MAL2: variants seen among roughly 807,000 people sequenced by gnomAD.
MAL2 encodes protein MAL2.
A neutral mutation model predicts 18.1 loss-of-function variants in MAL2; 17 were observed. The ratio of observed to expected loss-of-function variants is 0.94; its 90% CI spans 0.64 to 1.41. The LOEUF (loss-of-function observed/expected upper bound fraction) is 1.41. MAL2 is among the 40% of genes most tolerant of loss of function. The pLI is 0.00. For missense variants in MAL2, 222 were observed against 231.9 expected (o/e 0.96, Z 0.28); for synonymous variants, 102 against 102.3 (o/e 1.00, Z 0.02).
rs1412513405 is a variant in MAL2 at position 119,240,172 on chromosome 8, C to A, written c.311C>A (p.Ala104Asp). Residue 104 changes from alanine to aspartate, a missense_variant, in exon 3 of 4, where the codon GCC becomes GAC. Coordinates refer to ENST00000614891, the MANE Select transcript of MAL2 (RefSeq NM_052886.3). ...TTTTCTCTCCTCTTTTAGGATTTTG[C>A]CTACCATTTTACAGTATTTGTCTTC... ...IDANWNFLDF[A>D]YHFTVFVFYF... is the part of the protein sequence containing the mutation. The A allele has an allele frequency of 6.2e-7, 1 of 1,612,450 alleles. No individual in the cohort carries two copies. The highest frequency in any genetic ancestry group is 1.1e-5 in the South Asian group (1 of 90,778).
Position 119,208,846 on chromosome 8 carries a change from G to A in MAL2, c.132+242G>A. On this transcript the variant is annotated intron_variant, in intron 1 of 3. Coordinates refer to ENST00000614891, the MANE Select transcript of MAL2 (RefSeq NM_052886.3). The surrounding 1 kb of genome is among the most constrained non-coding windows in gnomAD (Gnocchi z 4.3). ...GCGACGGAAATTGCCTGGGGAGGGC[G>A]AGTAGGCGGCCCGGCAGGGCCGAAC... is the stretch of plus-strand genomic sequence containing the variant. The A allele has an allele frequency of 2.2e-6, 1 of 461,330 alleles. No individual in the cohort carries two copies. Among genetic ancestry groups the A allele is most frequent in the African/African-American group, 2.0e-5 (1 of 49,290 alleles). The allele number at this position is 461,330 out of a possible 1,614,324, so 28.6% of individuals were successfully genotyped here.
chr8:119,222,067 A>G (rs1458941585), intron 2 of MAL2, among the ~76,000 whole-genome samples: 1 of 152,204 alleles, frequency 6.6e-6, no homozygotes, highest in Non-Finnish European at 1.5e-5. Context: ...ACAATTGAAC[A>G]AATGCCTTTG....
chr8:119,218,098 C>T (rs1264256918), intron 1 of MAL2, among the ~76,000 whole-genome samples: 1 of 151,994 alleles, frequency 6.6e-6, no homozygotes, highest in Non-Finnish European at 1.5e-5. Flanking sequence ...GGATGGTGGC[C>T]CTCCAAAGTG....
At position 119,208,662 on chromosome 8, in the gene MAL2, C is replaced by A; in HGVS notation, c.132+58C>A. 1 of 1,250,366 alleles carries A rather than the reference C, an allele frequency of 8.0e-7. No homozygotes were observed. The allele number at this position is 1,250,366 out of a possible 1,614,324, so 77.5% of individuals were successfully genotyped here. A position where few individuals can be genotyped will look rare whatever the true frequency, so the allele number is the denominator to read the frequency against. ...GGGAGCGAGGACAGGCGGCGGCATCCTTGTCCCCCGGGCTGTCTTCCTCTG... is the reference window on the plus strand; with the variant it reads ...GGGAGCGAGGACAGGCGGCGGCATCATTGTCCCCCGGGCTGTCTTCCTCTG... On this transcript the variant is annotated intron_variant, in intron 1 of 3. Transcript: ENST00000614891. The surrounding 1 kb of genome is among the most constrained non-coding windows in gnomAD (Gnocchi z 4.3).
At position 119,244,496 on chromosome 8, in the gene MAL2, T is replaced by G. The variant is rs180886337; in HGVS notation, c.*1008T>G. 6.6e-6 allele frequency: 1 copy of G among 152,314 alleles called. No homozygotes were observed. The highest frequency in any genetic ancestry group is 1.9e-4 in the East Asian group (1 of 5,180). 9.4% of individuals were successfully genotyped at this position (152,314 alleles called of 1,614,324 possible). On this transcript the variant is annotated 3_prime_UTR_variant, in exon 4 of 4. Coordinates refer to ENST00000614891, the MANE Select transcript of MAL2 (RefSeq NM_052886.3). Reference sequence around the variant, plus strand: ...GTATCTAGCTACTGATGTCTTACTTTGAGTTTATTTATGCTTCAGAATACA... The same window carrying G: ...GTATCTAGCTACTGATGTCTTACTTGGAGTTTATTTATGCTTCAGAATACA...
At chr8:119,224,550 T>A (rs1404522884) in intron 2 of MAL2, among the ~76,000 whole-genome samples, 1 of 152,214 alleles carries the variant, frequency 6.6e-6, no homozygotes, top group Non-Finnish European at 1.5e-5. Context: ...TAAGATTTTT[T>A]TTATTTCAAT....
chr8:119,215,159 C>A (rs1029740364), intron 1 of MAL2: 5 of 152,234 alleles, frequency 3.3e-5, no homozygotes, highest in African/African-American at 1.2e-4. Flanking sequence ...TACAAAGTTT[C>A]CCATAACTTT....
chr8:119,236,403 A>G (rs1019010050), intron 2 of MAL2, among the ~76,000 whole-genome samples: 4 of 151,688 alleles, frequency 2.6e-5, no homozygotes, highest in African/African-American at 9.8e-5. Context: ...AAAGTCAACA[A>G]GGATACCCAG....
intron 2 of MAL2, among the ~76,000 whole-genome samples, chr8:119,233,032 T>C (rs1357767955): frequency 6.6e-6 from 1 of 152,118 alleles, no homozygotes; most frequent in East Asian, 1.9e-4. Flanking sequence ...TTGGAATAGG[T>C]GTGGTGCTGA....
chr8:119,221,519 G>A, intron 1 of MAL2, 68 bp from the exon 2 acceptor site: 1 of 1,576,168 alleles, frequency 6.3e-7, no homozygotes, highest in Non-Finnish European at 8.7e-7. Flanking sequence ...GGTAATACAA[G>A]CATGTTTAAT....
chr8:119,241,273 A>G (rs1818042018), intron 3 of MAL2, among the ~76,000 whole-genome samples: 1 of 152,176 alleles, frequency 6.6e-6, no homozygotes, highest in African/African-American at 2.4e-5. Flanking sequence ...CATGCCTGTA[A>G]TCCCAGCACA....
At chr8:119,224,085 G>A (rs925176246) in intron 2 of MAL2, 5 of 152,132 alleles carry the variant, frequency 3.3e-5, no homozygotes, top group African/African-American at 4.8e-5. Context: ...AGATGTATTT[G>A]TTGTAGGATA....
intron 1 of MAL2, among the ~76,000 whole-genome samples, chr8:119,210,947 CAA>C (rs1392764960): frequency 6.6e-6 from 1 of 152,068 alleles, no homozygotes; most frequent in Non-Finnish European, 1.5e-5. Context: ...AGAAACAAAA[CAA>C]GAGACCACAC....
chr8:119,234,103 CACCGTGCGCGA>C (rs1264881167), intron 2 of MAL2, among the ~76,000 whole-genome samples: 2 of 152,198 alleles, frequency 1.3e-5, no homozygotes, highest in Middle Eastern at 6.3e-3. Flanking sequence ...TGGGTGCGCG[CACCGTGCGCGA>C]GCCGAAGCAG....
intron 2 of MAL2, among the ~76,000 whole-genome samples, chr8:119,239,611 G>A (rs1483124021): frequency 6.6e-6 from 1 of 150,970 alleles, no homozygotes; most frequent in African/African-American, 2.5e-5. Flanking sequence ...TGAGTTCATG[G>A]CCTTTGTAGG....
chr8:119,242,922 C>G (rs1047101438), intron 3 of MAL2, among the ~76,000 whole-genome samples: 2 of 152,192 alleles, frequency 1.3e-5, no homozygotes, highest in African/African-American at 4.8e-5. Flanking sequence ...ACAGGACTGT[C>G]TCCCATACAA....
At position 119,245,618 on chromosome 8, in the gene MAL2, TGAAAA is replaced by T. The variant is rs1157335832; in HGVS notation, c.*2135_*2139del. ...GTTTTAAAATCTGGTAACTCCATGA[TGAAAA>T]GAAATTTATTTTATACGTGTTATGT... On this transcript the variant is annotated 3_prime_UTR_variant, in exon 4 of 4. Coordinates refer to ENST00000614891, the MANE Select transcript of MAL2 (RefSeq NM_052886.3). 3 of 152,334 alleles carry T rather than the reference TGAAAA, an allele frequency of 2.0e-5. No homozygotes were observed. The South Asian group carries it at 6.2e-4, about 32-fold the overall frequency. 9.4% of individuals were successfully genotyped at this position (152,334 alleles called of 1,614,324 possible). A position where few individuals can be genotyped will look rare whatever the true frequency, so the allele number is the denominator to read the frequency against.
At chr8:119,232,060 G>A (rs138915665) in intron 2 of MAL2, among the ~76,000 whole-genome samples, 2 of 151,708 alleles carry the variant, frequency 1.3e-5, no homozygotes, top group African/African-American at 4.9e-5. Flanking sequence ...TATTTTAGAT[G>A]TTCTCACCAC....
chr8:119,232,218 C>T (rs115396603), intron 2 of MAL2, among the ~76,000 whole-genome samples: 1 of 150,724 alleles, frequency 6.6e-6, no homozygotes, highest in Non-Finnish European at 1.5e-5. Context: ...ATGTATTTTT[C>T]TCAATTAAAA....
Sources: allele counts gnomAD v4.1 joint callset (sites outside exome capture counted in the v4.1 genomes callset), GRCh38; gene constraint gnomAD v4.1.1; non-coding constraint Gnocchi (gnomAD v3.1); transcripts MANE v1.5; gene names NCBI Gene and HGNC (gene_info 2026-07-23, HGNC 2026-07-21).